The following GMEB2 variants were observed in gnomAD, a reference collection of about 807,000 sequenced individuals.
GMEB2 encodes glucocorticoid modulatory element-binding protein 2.
Under a neutral mutation model 45.7 loss-of-function variants are expected in GMEB2, and 7 were observed. The observed-to-expected ratio is 0.15, with a 90% confidence interval of 0.09 to 0.29. The LOEUF (loss-of-function observed/expected upper bound fraction) is 0.29. Ranked by LOEUF, GMEB2 falls within the 10% of genes least tolerant of loss-of-function variation. The probability of loss-of-function intolerance (pLI) is 1.00; values close to 1 mark genes in which losing one functional copy is unlikely to be tolerated. For synonymous variants in GMEB2, 322 were observed against 323.6 expected (o/e 1.00, Z 0.05); for missense variants, 582 against 739.2 (o/e 0.79, Z 2.47).
intron 2 of GMEB2, among the ~76,000 whole-genome samples, chr20:63,616,012 G>A (rs1040142657): frequency 1.3e-5 from 2 of 152,148 alleles, no homozygotes; most frequent in East Asian, 3.8e-4. Context: ...TTGCTTATCA[G>A]TATTTTCTAA....
rs183811699 is a variant in GMEB2 at position 63,619,883 on chromosome 20, G to T, written c.-57-429C>A. The T allele has an allele frequency of 6.5e-6, 1 of 152,764 alleles. No homozygotes were observed. Among genetic ancestry groups the T allele is most frequent in the Admixed American group, 6.5e-5 (1 of 15,308 alleles). 9.5% of individuals were successfully genotyped at this position (152,764 alleles called of 1,614,324 possible). ...CACTCCAAGAAGTCCTCGCTGGTCTGTGGAACGGGAAGGGAAACCCATTCA... is the reference window on the plus strand; with the variant it reads ...CACTCCAAGAAGTCCTCGCTGGTCTTTGGAACGGGAAGGGAAACCCATTCA... On this transcript the variant is annotated intron_variant, in intron 1 of 9. Transcript: ENST00000370077. The surrounding 1 kb of genome is among the most constrained non-coding windows in gnomAD (Gnocchi z 4.6).
chr20:63,591,458 T>C (rs2083146787), intron 9 of GMEB2, among the ~76,000 whole-genome samples: 1 of 144,484 alleles, frequency 6.9e-6, no homozygotes, highest in South Asian at 2.2e-4. Context: ...GACCAGCCCT[T>C]CCCATTCTCT....
At position 63,592,037 on chromosome 20, in the gene GMEB2, C is replaced by A; in HGVS notation, c.937G>T (p.Ala313Ser). 2 of 1,611,752 alleles carry A rather than the reference C, an allele frequency of 1.2e-6. No homozygotes were observed. The highest frequency in any genetic ancestry group is 1.7e-6 in the Non-Finnish European group (2 of 1,179,734). ...CTCAGCATACCTGCCAGGTCCCGGGCGTACTGCTCCCGCGAGCGGTCCATC... is the reference window on the plus strand; with the variant it reads ...CTCAGCATACCTGCCAGGTCCCGGGAGTACTGCTCCCGCGAGCGGTCCATC... Reference protein sequence around the residue: ...CQMDRSREQYARDLAALEQQC... With the variant: ...CQMDRSREQYSRDLAALEQQC... Residue 313 changes from alanine to serine, a missense_variant, in exon 9 of 10, where the codon GCC (alanine) becomes TCC (serine). Around this residue, in one of 3 missense-constraint regions of GMEB2, gnomAD observed 462 missense variants for 586.7 expected, o/e 0.79. Transcript: ENST00000370077. This position sits in a 1 kb window ranked among gnomAD's most constrained non-coding sequence, Gnocchi z 8.2.
intron 2 of GMEB2, among the ~76,000 whole-genome samples, chr20:63,616,611 G>T (rs1601031458): frequency 6.6e-6 from 1 of 152,210 alleles, no homozygotes; most frequent in Admixed American, 6.5e-5. Flanking sequence ...GGCTGGCCGT[G>T]GGGAGATGAC....
intron 9 of GMEB2, among the ~76,000 whole-genome samples, chr20:63,591,146 A>G (rs2083143050): frequency 1.3e-5 from 2 of 150,102 alleles, no homozygotes; most frequent in South Asian, 4.2e-4. Context: ...AAAGCAGCAC[A>G]TGTGGCACAT....
chr20:63,603,147 T>C (rs2083253693), intron 3 of GMEB2, 55 bp from the exon 4 acceptor site: 1 of 1,560,568 alleles, frequency 6.4e-7, no homozygotes, highest in South Asian at 1.2e-5. Context: ...AGTTACAACC[T>C]CTTCAAAGCA....
intron 2 of GMEB2, 125 bp from the exon 3 acceptor site, chr20:63,604,965 G>A: frequency 1.5e-6 from 1 of 667,536 alleles, no homozygotes. Flanking sequence ...AGAAATGGCA[G>A]AGGGGCCGGG....
In GMEB2 at chr20:63,591,986, C is replaced by T. The variant is rs772602648; in HGVS notation, c.952+36G>A. On this transcript the variant is annotated intron_variant, in intron 9 of 9. Transcript: ENST00000370077. The stretch of plus-strand genomic sequence containing the variant: ...CGTGGGCTCCAGGTCCTCAGCCTAC[C>T]GCCCAGGGGACGGGACGGGGGTGGT... 23 of 1,576,160 alleles carry T rather than the reference C, an allele frequency of 1.5e-5. No individual in the cohort carries two copies. In the South Asian group the frequency reaches 1.6e-4, roughly 11 times the overall value.
intron 2 of GMEB2, among the ~76,000 whole-genome samples, chr20:63,617,252 A>G (rs1183963263): frequency 1.3e-5 from 2 of 152,136 alleles, no homozygotes; most frequent in African/African-American, 2.4e-5. Context: ...CTGGAATTAC[A>G]GGTATGAGCC....
rs142305929 is a variant in GMEB2, at chr20:63,593,640, C to T, written c.620-558G>A. 7.6e-3 allele frequency among the ~76,000 whole-genome samples: 1,164 copies of T among 152,260 alleles called. 16 individuals are homozygous for T. The highest frequency in any genetic ancestry group is 0.026 in the African/African-American group (1,081 of 41,522). ...GCTCTTCCTGTGGGTCCCTCTCTCG[C>T]GCCTGCAGAACACAACTGGGCGTGT... On this transcript the variant is annotated intron_variant, in intron 6 of 9. Coordinates refer to ENST00000370077, the MANE Select transcript of GMEB2 (RefSeq NM_012384.5). The surrounding 1 kb of genome is among the most constrained non-coding windows in gnomAD (Gnocchi z 4.7).
intron 2 of GMEB2, among the ~76,000 whole-genome samples, chr20:63,609,347 CCA>C (rs1256772846): frequency 2.6e-5 from 3 of 117,118 alleles, no homozygotes; most frequent in African/African-American, 3.2e-5. Flanking sequence ...CACTCTGACC[CCA>C]CACATCCATT....
rs771657948 is a variant in GMEB2 at position 63,590,239 on chromosome 20, A to G, written c.1443T>C (p.Pro481=). The change falls in exon 10 of 10, where the codon CCT becomes CCC. Residue 481 remains proline, a synonymous_variant. Coordinates refer to ENST00000370077, the MANE Select transcript of GMEB2 (RefSeq NM_012384.5). ...VVSPLQLLTL[P]GLGPTLQNVA... ...CGTTCTGCAGGGTGGGGCCCAGGCC[A>G]GGCAACGTGAGCAGCTGTAGCGGGC... is the stretch of plus-strand genomic sequence containing the variant. The G allele has an allele frequency of 2.5e-6, 4 of 1,612,082 alleles. No homozygotes were observed. Among genetic ancestry groups the G allele is most frequent in the Non-Finnish European group, 2.5e-6 (3 of 1,179,722 alleles).
intron 5 of GMEB2, among the ~76,000 whole-genome samples, chr20:63,597,452 T>C (rs910880318): frequency 4.6e-5 from 7 of 152,146 alleles, no homozygotes; most frequent in South Asian, 2.1e-4. Context: ...GTGTGAGCCA[T>C]GTGCCCAGCC....
At chr20:63,607,819 C>A (rs376679474) in intron 2 of GMEB2, among the ~76,000 whole-genome samples, 36 of 16,124 alleles carry the variant, frequency 2.2e-3, no homozygotes, top group Non-Finnish European at 4.1e-3. Flanking sequence ...TGACCCACAC[C>A]TCCATTTCTA....
chr20:63,622,054 A>G (rs1035460447), intron 1 of GMEB2, among the ~76,000 whole-genome samples: 1 of 152,182 alleles, frequency 6.6e-6, no homozygotes, highest in African/African-American at 2.4e-5. Context: ...ACTTAAGCCC[A>G]GGAGGTCAAG....
In GMEB2 at chr20:63,589,104, G is replaced by A. The variant is rs528470342; in HGVS notation, c.*985C>T. The A allele has an allele frequency of 7.5e-6, 3 of 398,976 alleles. No individual in the cohort carries two copies. Among genetic ancestry groups the A allele is most frequent in the Middle Eastern group, 6.2e-4 (1 of 1,610 alleles). 24.7% of individuals were successfully genotyped at this position (398,976 alleles called of 1,614,324 possible). On this transcript the variant is annotated 3_prime_UTR_variant, in exon 10 of 10. Transcript: ENST00000370077. ...GTTCCGTGGCCAAGCAGCCCAAGCTGAAGGGCCCACATGGGAATCCTCGAC... is the reference window on the plus strand; with the variant it reads ...GTTCCGTGGCCAAGCAGCCCAAGCTAAAGGGCCCACATGGGAATCCTCGAC...
At position 63,619,021 on chromosome 20, in the gene GMEB2, G is replaced by A. The variant is rs536698824; in HGVS notation, c.131+246C>T. Reference sequence around the variant, plus strand: ...CACATGAGAAATCACGGCCTTTCAGGACGTGGAGCCACGTGGCCATGCAGG... The same window carrying A: ...CACATGAGAAATCACGGCCTTTCAGAACGTGGAGCCACGTGGCCATGCAGG... On this transcript the variant is annotated intron_variant, in intron 2 of 9. Coordinates refer to ENST00000370077, the MANE Select transcript of GMEB2 (RefSeq NM_012384.5). The surrounding 1 kb of genome is among the most constrained non-coding windows in gnomAD (Gnocchi z 4.6). Among the ~76,000 whole-genome samples, 7 of 152,160 alleles carry A rather than the reference G, an allele frequency of 4.6e-5. No individual in the cohort carries two copies. Among genetic ancestry groups the A allele is most frequent in the Non-Finnish European group, 1.0e-4 (7 of 68,030 alleles).
chr20:63,597,656 T>C (rs773389476), intron 5 of GMEB2, 101 bp downstream of exon 5: 5 of 725,336 alleles, frequency 6.9e-6, no homozygotes, highest in Non-Finnish European at 9.8e-6. Flanking sequence ...ACTCACCACA[T>C]CTAAAATACG....
Position 63,590,274 on chromosome 20 carries a change from T to C in GMEB2, c.1408A>G (p.Lys470Glu). The C allele has an allele frequency of 6.2e-7, 1 of 1,612,694 alleles. No homozygotes were observed. Among genetic ancestry groups the C allele is most frequent in the Non-Finnish European group, 8.5e-7 (1 of 1,179,828 alleles). ...AAVQDGSTVFKVVSPLQLLTL... is the reference protein window; with the variant it reads ...AAVQDGSTVFEVVSPLQLLTL... ...AGCAGCTGTAGCGGGCTGACCACCT[T>C]GAACACCGTGCTACCGTCCTGCACG... is the stretch of plus-strand genomic sequence containing the variant. Residue 470 changes from lysine to glutamate, a missense_variant, in exon 10 of 10, where the codon AAG becomes GAG. Transcript: ENST00000370077.
Sources: allele counts gnomAD v4.1 joint callset (sites outside exome capture counted in the v4.1 genomes callset), GRCh38; gene constraint gnomAD v4.1.1; regional missense constraint gnomAD v4.1.1; non-coding constraint Gnocchi (gnomAD v3.1); transcripts MANE v1.5; gene names NCBI Gene and HGNC (gene_info 2026-07-23, HGNC 2026-07-21).